Variants in ATP2B3 observed in about 807,000 individuals in gnomAD.
The protein encoded by ATP2B3 is ATPase plasma membrane Ca2+ transporting 3, also known as plasma membrane calcium-transporting ATPase 3.
ATP2B3 carries 12 observed loss-of-function variants against 70.8 expected under a neutral mutation model. The observed-to-expected ratio is 0.17, with a 90% CI of 0.11 to 0.27. ATP2B3 has a LOEUF of 0.27. Among genes scored for constraint, ATP2B3 ranks in the 10% least tolerant of loss-of-function variants. The pLI, the probability that ATP2B3 is intolerant of heterozygous loss-of-function variation, is 1.00. For missense variants in ATP2B3, 858 were observed against 1,118.5 expected, an observed-to-expected ratio of 0.77 and a Z score of 3.32; for synonymous variants, 460 against 497.8, an observed-to-expected ratio of 0.92 and a Z score of 1.01.
At chrX:153,549,286 G>T (rs1311709685) in intron 10 of ATP2B3, among the ~76,000 whole-genome samples, 1 of 109,363 alleles carries the variant, frequency 9.1e-6, no homozygotes, top group Non-Finnish European at 1.9e-5. Flanking sequence ...GGGAGGTCCC[G>T]GGTGCGCATC....
intron 13 of ATP2B3, 127 bp downstream of exon 13, chrX:153,553,396 C>T (rs1322810767): frequency 4.5e-5 from 25 of 560,217 alleles, no homozygotes; most frequent in African/African-American, 1.4e-4. Flanking sequence ...ACTTGAGCCC[C>T]GTCCTGGGTG....
At chrX:153,564,060 C>T in intron 20 of ATP2B3, among the ~76,000 whole-genome samples, 1 of 112,310 alleles carries the variant, frequency 8.9e-6, no homozygotes, top group Non-Finnish European at 1.9e-5. Context: ...CCTCTCTTTA[C>T]TCCTGCCAGG....
At chrX:153,569,657 C>A (rs376406160) in intron 21 of ATP2B3, 32 of 1,209,350 alleles carry the variant, frequency 2.6e-5, no homozygotes, top group Non-Finnish European at 3.6e-5. Flanking sequence ...TGCTGTGCGC[C>A]GGCGGTCTTC....
intron 3 of ATP2B3, 93 bp from the exon 4 acceptor site, chrX:153,541,266 C>T (rs2090274956): frequency 2.8e-6 from 3 of 1,073,957 alleles, no homozygotes; most frequent in South Asian, 2.0e-5. Context: ...ACCCCAGGAG[C>T]AGTCAGTCAG....
At chrX:153,549,198 TGTGGGGTGGTGGGGTG>T (rs1233863392) in intron 10 of ATP2B3, among the ~76,000 whole-genome samples, 2 of 9,572 alleles carry the variant, frequency 2.1e-4, no homozygotes, top group African/African-American at 6.2e-4. Flanking sequence ...GGGAGCCAGG[TGTGGGGTGGTGGGGTG>T]GTGGGGTGGT....
intron 3 of ATP2B3, among the ~76,000 whole-genome samples, chrX:153,540,013 G>A (rs1046841025): frequency 8.9e-6 from 1 of 112,734 alleles, no homozygotes; most frequent in Admixed American, 9.3e-5. Context: ...CATTCAAGTC[G>A]CCATGTAGAC....
chrX:153,559,658 G>A, intron 17 of ATP2B3, 71 bp from the exon 18 acceptor site: 1 of 966,921 alleles, frequency 1.0e-6, no homozygotes, highest in Non-Finnish European at 1.5e-6. Flanking sequence ...GCCCCCAGGA[G>A]CTACTGGGTT....
At chrX:153,524,170 A>G (rs2089997960) in intron 2 of ATP2B3, among the ~76,000 whole-genome samples, 1 of 111,248 alleles carries the variant, frequency 9.0e-6, no homozygotes, top group African/African-American at 3.3e-5. Flanking sequence ...CTAGGCTTAG[A>G]AAATCCCTTT....
intron 3 of ATP2B3, 39 bp downstream of exon 3, chrX:153,536,494 C>G (rs782018132): frequency 1.7e-6 from 2 of 1,165,977 alleles, no homozygotes; most frequent in South Asian, 3.8e-5. Flanking sequence ...CAGCCCTGCT[C>G]CCAGCCTTCA....
intron 2 of ATP2B3, among the ~76,000 whole-genome samples, chrX:153,528,278 G>T (rs1054427267): frequency 8.9e-6 from 1 of 112,376 alleles, no homozygotes; most frequent in South Asian, 3.7e-4. Flanking sequence ...CTGGCTTGCC[G>T]TGTGACCTTG....
chrX:153,579,516 A>G (rs1172296596), intron 21 of ATP2B3, among the ~76,000 whole-genome samples: 1 of 111,981 alleles, frequency 8.9e-6, no homozygotes, highest in Non-Finnish European at 1.9e-5. Flanking sequence ...CTCCTTTTCA[A>G]ATCATCTTTC....
At chrX:153,563,979 T>C (rs1557017232) in intron 20 of ATP2B3, among the ~76,000 whole-genome samples, 1 of 112,608 alleles carries the variant, frequency 8.9e-6, no homozygotes, top group East Asian at 2.8e-4. Context: ...CATCCCTTTC[T>C]GTGGCTTCCC....
chrX:153,531,752 G>A (rs1252361509), intron 2 of ATP2B3, among the ~76,000 whole-genome samples: 3 of 112,945 alleles, frequency 2.7e-5, no homozygotes, highest in African/African-American at 9.6e-5. Flanking sequence ...CTTCCTGGCA[G>A]TACATGCCCC....
intron 17 of ATP2B3, 41 bp downstream of exon 17, chrX:153,558,344 G>T: frequency 8.9e-7 from 1 of 1,128,902 alleles, no homozygotes; most frequent in Non-Finnish European, 1.2e-6. Flanking sequence ...AGGACACCTG[G>T]GCTCAGGCCT....
chrX:153,569,229 C>A (rs782761771), intron 21 of ATP2B3: 1 of 433,965 alleles, frequency 2.3e-6, no homozygotes, highest in Admixed American at 2.4e-5. Context: ...CTAATAGGAG[C>A]GTGTCATGTC....
intron 8 of ATP2B3, among the ~76,000 whole-genome samples, chrX:153,546,924 G>A (rs2090376468): frequency 8.9e-6 from 1 of 112,603 alleles, no homozygotes; most frequent in East Asian, 2.8e-4. Context: ...GGGCCCAGCT[G>A]GGTGGGGCAA....
chrX:153,538,678 G>C (rs112408969), intron 3 of ATP2B3, among the ~76,000 whole-genome samples: 1 of 113,141 alleles, frequency 8.8e-6, no homozygotes, highest in Non-Finnish European at 1.9e-5. Flanking sequence ...CTGTGTCCAT[G>C]CCAACCGGCC....
intron 21 of ATP2B3, among the ~76,000 whole-genome samples, chrX:153,568,545 G>A (rs113412620): frequency 0.011 from 1,245 of 111,640 alleles, 21 homozygotes; most frequent in African/African-American, 0.039. Context: ...CCTTCCGTGC[G>A]CTGACACACT....
chrX:153,558,535 T>C (rs1557014906), intron 17 of ATP2B3, among the ~76,000 whole-genome samples: 2 of 112,577 alleles, frequency 1.8e-5, no homozygotes. Flanking sequence ...ATTGTCATCA[T>C]CTTAAAAAGA....
Sources: gnomAD v4.1 joint callset for allele counts (sites outside exome capture counted in the v4.1 genomes callset) on GRCh38, gnomAD v4.1.1 for gene constraint, MANE v1.5 for transcripts, NCBI Gene and HGNC (gene_info 2026-07-23, HGNC 2026-07-21) for gene names.